SSBP2: variants seen among roughly 807,000 people sequenced by gnomAD.
SSBP2 encodes single-stranded DNA-binding protein 2.
SSBP2 carries 17 observed loss-of-function variants against 61.8 expected under a neutral mutation model. The ratio of observed to expected loss-of-function variants is 0.28; its 90% CI spans 0.19 to 0.41. The LOEUF (loss-of-function observed/expected upper bound fraction) is 0.41, where lower values mean the gene tolerates loss of function less well. Among genes scored for constraint, SSBP2 ranks in the 10% least tolerant of loss-of-function variants. The pLI, the probability that SSBP2 is intolerant of heterozygous loss-of-function variation, is 1.00. For synonymous variants in SSBP2, 139 were observed against 141.3 expected (o/e 0.98, Z 0.12); for missense variants, 310 against 458.7 (o/e 0.68, Z 2.96).
intron 6 of SSBP2, among the ~76,000 whole-genome samples, chr5:81,475,102 G>A (rs1765500043): frequency 6.6e-6 from 1 of 152,142 alleles, no homozygotes; most frequent in Admixed American, 6.5e-5. Context: ...AAGTAGAACT[G>A]ACAAAGGTAG....
At chr5:81,587,023 G>GC (rs199914936) in intron 4 of SSBP2, among the ~76,000 whole-genome samples, 1,668 of 152,232 alleles carry the variant, frequency 0.011, 42 homozygotes, top group African/African-American at 0.038. Context: ...TTCTAAGCTT[G>GC]CATCTGGTTT....
chr5:81,444,686 T>C (rs1763257727), intron 12 of SSBP2, among the ~76,000 whole-genome samples: 1 of 152,196 alleles, frequency 6.6e-6, no homozygotes, highest in Non-Finnish European at 1.5e-5. Flanking sequence ...TCAAATGGTT[T>C]TTCAACTGTA....
At position 81,419,119 on chromosome 5, in the gene SSBP2, A is replaced by G. The variant is rs1247017375; in HGVS notation, c.*1385T>C. 3.3e-5 allele frequency: 5 copies of G among 152,254 alleles called. No individual in the cohort carries two copies. Among genetic ancestry groups the G allele is most frequent in the Admixed American group, 2.6e-4 (4 of 15,282 alleles). 9.4% of individuals were successfully genotyped at this position (152,254 alleles called of 1,614,324 possible). A position where few individuals can be genotyped will look rare whatever the true frequency, so the allele number is the denominator to read the frequency against. ...AATCCCAAAAGATCTGGAAAGTGCC[A>G]TAGAGCAAGGTGCTTTCCATAAGGG... On this transcript the variant is annotated 3_prime_UTR_variant, in exon 17 of 17. Coordinates refer to ENST00000320672, the MANE Select transcript of SSBP2 (RefSeq NM_012446.5).
intron 1 of SSBP2, among the ~76,000 whole-genome samples, chr5:81,740,115 T>C (rs1042169680): frequency 2.0e-5 from 3 of 152,148 alleles, no homozygotes; most frequent in Admixed American, 6.5e-5. Context: ...TCAGTAAAAT[T>C]TGAATTCAAA....
chr5:81,548,698 G>C (rs1771939097), intron 4 of SSBP2, among the ~76,000 whole-genome samples: 1 of 152,158 alleles, frequency 6.6e-6, no homozygotes, highest in Non-Finnish European at 1.5e-5. Flanking sequence ...CGAGGCAGGT[G>C]GATCACGAGG....
At chr5:81,671,120 G>A (rs1381525910) in intron 1 of SSBP2, among the ~76,000 whole-genome samples, 1 of 152,106 alleles carries the variant, frequency 6.6e-6, no homozygotes, top group Non-Finnish European at 1.5e-5. Context: ...ACCACTGAAG[G>A]AAGTGGGCAG....
At chr5:81,489,159 G>GA in intron 6 of SSBP2, 91 bp downstream of exon 6, 1 of 1,189,530 alleles carries the variant, frequency 8.4e-7, no homozygotes. Context: ...AGAAAAAGGA[G>GA]AATTTCATAT....
chr5:81,456,001 T>C (rs1764117916), intron 10 of SSBP2, among the ~76,000 whole-genome samples: 2 of 152,196 alleles, frequency 1.3e-5, no homozygotes, highest in Admixed American at 1.3e-4. Context: ...TTTCTTCAAC[T>C]GTGAAGTTTA....
intron 5 of SSBP2, among the ~76,000 whole-genome samples, chr5:81,490,474 TTGAA>T (rs1222372739): frequency 6.6e-6 from 1 of 152,034 alleles, no homozygotes; most frequent in Non-Finnish European, 1.5e-5. Flanking sequence ...ATCTAACGGG[TTGAA>T]TGTTATTAAG....
chr5:81,548,388 T>C (rs961701686), intron 4 of SSBP2, among the ~76,000 whole-genome samples: 4 of 152,178 alleles, frequency 2.6e-5, no homozygotes, highest in African/African-American at 9.7e-5. Context: ...ACCTCTGAAC[T>C]TTCTACTCAA....
intron 4 of SSBP2, among the ~76,000 whole-genome samples, chr5:81,594,279 C>G (rs911282528): frequency 6.6e-6 from 1 of 152,148 alleles, no homozygotes; most frequent in African/African-American, 2.4e-5. Context: ...ATCAATTCAA[C>G]AAGAAGAGCT....
At chr5:81,748,017 A>C (rs1757464889) in intron 1 of SSBP2, among the ~76,000 whole-genome samples, 1 of 152,184 alleles carries the variant, frequency 6.6e-6, no homozygotes, top group Non-Finnish European at 1.5e-5. Flanking sequence ...TACTGAAATT[A>C]CAGGAATTGT....
chr5:81,475,662 T>TA (rs1245451287), intron 6 of SSBP2, among the ~76,000 whole-genome samples: 1 of 151,876 alleles, frequency 6.6e-6, no homozygotes, highest in Non-Finnish European at 1.5e-5. Context: ...TGCCAACCAC[T>TA]AAAAACAAGA....
At chr5:81,485,710 T>C (rs560581055) in intron 6 of SSBP2, among the ~76,000 whole-genome samples, 183 of 152,314 alleles carry the variant, frequency 1.2e-3, no homozygotes, top group African/African-American at 4.3e-3. Context: ...CAGGTCTTCC[T>C]ATGTTGCCCA....
At chr5:81,501,563 C>CTTTT (rs71603598) in intron 5 of SSBP2, among the ~76,000 whole-genome samples, 2 of 117,376 alleles carry the variant, frequency 1.7e-5, no homozygotes, top group Non-Finnish European at 1.8e-5. Context: ...TCTTTCTTTT[C>CTTTT]TTTTTTTTTT....
intron 5 of SSBP2, among the ~76,000 whole-genome samples, chr5:81,501,664 G>A (rs1046961734): frequency 1.3e-4 from 20 of 149,150 alleles, no homozygotes; most frequent in South Asian, 6.4e-4. Flanking sequence ...TCGGGTTCAC[G>A]CCATTCTCTC....
chr5:81,656,976 A>T (rs1750283512), intron 1 of SSBP2, among the ~76,000 whole-genome samples: 1 of 152,194 alleles, frequency 6.6e-6, no homozygotes, highest in South Asian at 2.1e-4. Context: ...TGTACATACA[A>T]GCACTGGAAC....
At chr5:81,719,032 C>T (rs1755369179) in intron 1 of SSBP2, among the ~76,000 whole-genome samples, 2 of 151,960 alleles carry the variant, frequency 1.3e-5, no homozygotes, top group Admixed American at 6.6e-5. Flanking sequence ...TTTATAATAA[C>T]AAGTACATTT....
At position 81,414,645 on chromosome 5, in the gene SSBP2, T is replaced by A. The variant is rs574818102; in HGVS notation, c.*5859A>T. 1 of 152,312 alleles carries A rather than the reference T, an allele frequency of 6.6e-6. No individual in the cohort carries two copies. Among genetic ancestry groups the A allele is most frequent in the East Asian group, 1.9e-4 (1 of 5,188 alleles). The allele number at this position is 152,312 out of a possible 1,614,324, so 9.4% of individuals were successfully genotyped here. A position where few individuals can be genotyped will look rare whatever the true frequency, so the allele number is the denominator to read the frequency against. On this transcript the variant is annotated 3_prime_UTR_variant, in exon 17 of 17. Transcript: ENST00000320672. Reference sequence around the variant, plus strand: ...GTAGTATCAGTGAAGTGGCTGAGAATTAAATGATCACTTATGCCCTTATCT... The same window carrying A: ...GTAGTATCAGTGAAGTGGCTGAGAAATAAATGATCACTTATGCCCTTATCT...
Sources: allele counts gnomAD v4.1 joint callset (sites outside exome capture counted in the v4.1 genomes callset), GRCh38; gene constraint gnomAD v4.1.1; transcripts MANE v1.5; gene names NCBI Gene and HGNC (gene_info 2026-07-23, HGNC 2026-07-21).